Variants in ALOX12 observed in about 807,000 individuals in gnomAD.
ALOX12 encodes arachidonate 12-lipoxygenase, 12S type, also known as polyunsaturated fatty acid lipoxygenase ALOX12.
A neutral mutation model predicts 85.5 loss-of-function variants in ALOX12; 62 were observed. The ratio of observed to expected loss-of-function variants is 0.73; its 90% CI spans 0.59 to 0.90. The LOEUF (loss-of-function observed/expected upper bound fraction) is 0.90. ALOX12 is among the 40% of genes least tolerant of loss of function. ALOX12 has a pLI of 0.00. For synonymous variants in ALOX12, 299 were observed against 332.7 expected, an observed-to-expected ratio of 0.90 and a Z score of 1.10; for missense variants, 751 against 856.5, an observed-to-expected ratio of 0.88 and a Z score of 1.54.
rs1908661716 is a variant in ALOX12, at chr17:7,000,550, C to A, written c.951+71C>A. On this transcript the variant is annotated intron_variant, in intron 7 of 13. Transcript: ENST00000251535. The surrounding 1 kb of genome is among the most constrained non-coding windows in gnomAD (Gnocchi z 4.6). ...CAACCTCTGCTCCCAGGGACCCAAC[C>A]CCCAGCTCTTGGCTCCCAAACCCCA... 1.9e-6 allele frequency: 3 copies of A among 1,560,754 alleles called. No homozygotes were observed. The highest frequency in any genetic ancestry group is 2.6e-6 in the Non-Finnish European group (3 of 1,146,480).
rs1908665888 is a variant in ALOX12, at chr17:7,000,676, C to T, written c.951+197C>T. ...TTACTTTTTCAAGAGTCAAAATGGCCTCCTGGAGTTCTCATCCTGTATCCA... is the reference window on the plus strand; with the variant it reads ...TTACTTTTTCAAGAGTCAAAATGGCTTCCTGGAGTTCTCATCCTGTATCCA... On this transcript the variant is annotated intron_variant, in intron 7 of 13. Transcript: ENST00000251535. The surrounding 1 kb of genome is among the most constrained non-coding windows in gnomAD (Gnocchi z 4.6). 6.6e-6 allele frequency among the ~76,000 whole-genome samples: 1 copy of T among 152,178 alleles called. No homozygotes were observed. The highest frequency in any genetic ancestry group is 1.5e-5 in the Non-Finnish European group (1 of 68,040).
chr17:7,005,144 C>A, intron 8 of ALOX12, 113 bp from the exon 9 acceptor site: 1 of 930,750 alleles, frequency 1.1e-6, no homozygotes, highest in Non-Finnish European at 1.8e-6. Flanking sequence ...AGGAGATCAG[C>A]CTGTAAAGGA....
Position 6,996,811 on chromosome 17 carries a change from G to A in ALOX12, c.136-15G>A, listed in dbSNP as rs764789807. On this transcript the variant is annotated splice_polypyrimidine_tract_variant and intron_variant, in intron 1 of 13. Coordinates refer to ENST00000251535, the MANE Select transcript of ALOX12 (RefSeq NM_000697.3). Reference sequence around the variant, plus strand: ...GTCCCTCCTACTAAGTCTGGCCTGGGTCCGGCCTGCACAGGAGGAGGAGTT... The same window carrying A: ...GTCCCTCCTACTAAGTCTGGCCTGGATCCGGCCTGCACAGGAGGAGGAGTT... 6.2e-7 allele frequency: 1 copy of A among 1,605,652 alleles called. No individual in the cohort carries two copies. Among genetic ancestry groups the A allele is most frequent in the Non-Finnish European group, 8.5e-7 (1 of 1,173,754 alleles).
intron 2 of ALOX12, among the ~76,000 whole-genome samples, chr17:6,997,445 T>C (rs1002255621): frequency 2.6e-5 from 4 of 151,386 alleles, no homozygotes; most frequent in East Asian, 3.9e-4. Context: ...GAAGAAAACA[T>C]AGGATGCTGG....
chr17:6,999,514 G>A, intron 6 of ALOX12, 48 bp downstream of exon 6: 1 of 1,596,488 alleles, frequency 6.3e-7, no homozygotes, highest in Non-Finnish European at 8.6e-7. Flanking sequence ...TAGTAGTGTG[G>A]TGAGAACGGA....
intron 7 of ALOX12, chr17:7,001,309 A>C (rs929456250): frequency 7.0e-6 from 3 of 431,110 alleles, no homozygotes; most frequent in African/African-American, 6.0e-5. Flanking sequence ...TACACCTCCT[A>C]CTTCTCCTTC....
At position 6,998,968 on chromosome 17, in the gene ALOX12, C is replaced by T; in HGVS notation, c.558C>T (p.Ala186=). ...CCTGTCCTAGGGCTCTGGAGATGGCCCTCAAACGTGTTTACACCCTCCTGA... is the reference window on the plus strand; with the variant it reads ...CCTGTCCTAGGGCTCTGGAGATGGCTCTCAAACGTGTTTACACCCTCCTGA... The part of the protein sequence containing the change: ...WTLKAGALEM[A]LKRVYTLLSS... Residue 186 remains alanine, a synonymous_variant, in exon 5 of 14, where the codon GCC becomes GCT. Transcript: ENST00000251535. The T allele has an allele frequency of 6.2e-7, 1 of 1,614,076 alleles. No individual in the cohort carries two copies. Among genetic ancestry groups the T allele is most frequent in the Non-Finnish European group, 8.5e-7 (1 of 1,180,012 alleles).
intron 8 of ALOX12, among the ~76,000 whole-genome samples, chr17:7,002,973 A>C (rs959851828): frequency 2.6e-5 from 4 of 152,108 alleles, no homozygotes; most frequent in African/African-American, 9.7e-5. Flanking sequence ...AAGACCCCCC[A>C]AGCCTGGCCA....
Position 7,002,985 on chromosome 17 carries a change from T to C in ALOX12, c.1161+1174T>C, listed in dbSNP as rs570988206. Reference sequence around the variant, plus strand: ...ACCAAGACCCCCCAAGCCTGGCCAGTATAGCTGTGCCGCCTCTGGAATTTT... The same window carrying C: ...ACCAAGACCCCCCAAGCCTGGCCAGCATAGCTGTGCCGCCTCTGGAATTTT... On this transcript the variant is annotated intron_variant, in intron 8 of 13. Transcript: ENST00000251535. Among the ~76,000 whole-genome samples the C allele has an allele frequency of 1.7e-4, 26 of 152,106 alleles. No individual in the cohort carries two copies. In the South Asian group the frequency reaches 5.4e-3, roughly 32 times the overall value.
chr17:7,005,352 G>A lies in ALOX12; in HGVS notation c.1248+9G>A. The A allele has an allele frequency of 4.4e-6, 7 of 1,606,236 alleles. No individual in the cohort carries two copies. Among genetic ancestry groups the A allele is most frequent in the Non-Finnish European group, 6.0e-6 (7 of 1,172,972 alleles). Reference sequence around the variant, plus strand: ...GAGGAATTTTTGATAAGGTGAGGAGGGTACGGGGCATGGGACTGCCTCATC... The same window carrying A: ...GAGGAATTTTTGATAAGGTGAGGAGAGTACGGGGCATGGGACTGCCTCATC... On this transcript the variant is annotated intron_variant, in intron 9 of 13. Coordinates refer to ENST00000251535, the MANE Select transcript of ALOX12 (RefSeq NM_000697.3).
At chr17:6,998,409 C>A in intron 2 of ALOX12, 100 bp from the exon 3 acceptor site, 1 of 789,536 alleles carries the variant, frequency 1.3e-6, no homozygotes, top group South Asian at 1.6e-5. Context: ...CAGTGCATGG[C>A]TGAAAACATG....
intron 2 of ALOX12, 77 bp downstream of exon 2, chr17:6,997,104 G>T (rs111935092): frequency 2.7e-6 from 4 of 1,466,274 alleles, no homozygotes; most frequent in Non-Finnish European, 3.6e-6. Context: ...AGTTAAGGAC[G>T]GTCGGAGCAG....
intron 10 of ALOX12, 46 bp downstream of exon 10, chr17:7,006,073 G>GGGGGGC: frequency 6.4e-6 from 1 of 157,178 alleles, no homozygotes; most frequent in Non-Finnish European, 1.5e-5. Context: ...GGGGGGGGGG[G>GGGGGGC]GCTCTGGCCT....
intron 3 of ALOX12, 34 bp downstream of exon 3, chr17:6,998,624 CACT>C: frequency 6.2e-7 from 1 of 1,607,948 alleles, no homozygotes; most frequent in African/African-American, 1.3e-5. Flanking sequence ...ACCCCGCCAC[CACT>C]GTCCCACCCC....
At chr17:7,009,135 C>A (rs1909250830) in intron 11 of ALOX12, among the ~76,000 whole-genome samples, 1 of 150,874 alleles carries the variant, frequency 6.6e-6, no homozygotes, top group Non-Finnish European at 1.5e-5. Flanking sequence ...TCTCAGCTCG[C>A]TGCAAGCTCT....
In ALOX12 at chr17:7,005,130, C is replaced by T. The variant is rs985057878; in HGVS notation, c.1162-127C>T. 32 of 855,268 alleles carry T rather than the reference C, an allele frequency of 3.7e-5. No individual in the cohort carries two copies. The African/African-American group carries it at 5.3e-4, about 14-fold the overall frequency. 53.0% of individuals were successfully genotyped at this position (855,268 alleles called of 1,614,324 possible). On this transcript the variant is annotated intron_variant, in intron 8 of 13. Coordinates refer to ENST00000251535, the MANE Select transcript of ALOX12 (RefSeq NM_000697.3). ...AGAGCACAAGAGTGAGTGATCAGAACAGCAGGAGATCAGCCTGTAAAGGAA... is the reference window on the plus strand; with the variant it reads ...AGAGCACAAGAGTGAGTGATCAGAATAGCAGGAGATCAGCCTGTAAAGGAA...
At chr17:7,003,389 G>A (rs1908809063) in intron 8 of ALOX12, among the ~76,000 whole-genome samples, 1 of 152,128 alleles carries the variant, frequency 6.6e-6, no homozygotes. Context: ...ACTTAATGGT[G>A]TGACACAAGC....
Position 7,000,952 on chromosome 17 carries a change from C to CT in ALOX12, c.951+485dup, listed in dbSNP as rs35418388. Among the ~76,000 whole-genome samples, 84,570 of 148,974 alleles carry CT rather than the reference C, an allele frequency of 0.57. 23,911 individuals are homozygous for CT. The highest frequency in any genetic ancestry group is 0.65 in the Admixed American group (9,759 of 15,004). On this transcript the variant is annotated intron_variant, in intron 7 of 13. Coordinates refer to ENST00000251535, the MANE Select transcript of ALOX12 (RefSeq NM_000697.3). This position sits in a 1 kb window ranked among gnomAD's most constrained non-coding sequence, Gnocchi z 4.6. ...TCTTGAATATCTTTTCTCGCAATTT[C>CT]TTTTTTTTTTTTGAGACAGAATCTC... is the stretch of plus-strand genomic sequence containing the variant.
chr17:7,005,715 A>G, intron 9 of ALOX12, 143 bp from the exon 10 acceptor site: 6 of 795,232 alleles, frequency 7.5e-6, no homozygotes, highest in Non-Finnish European at 9.8e-6. Flanking sequence ...TCCTGACCTC[A>G]TGATCCACCC....
Sources: allele counts gnomAD v4.1 joint callset (sites outside exome capture counted in the v4.1 genomes callset), GRCh38; gene constraint gnomAD v4.1.1; non-coding constraint Gnocchi (gnomAD v3.1); transcripts MANE v1.5; gene names NCBI Gene and HGNC (gene_info 2026-07-23, HGNC 2026-07-21).